The following PAK5 variants were observed in gnomAD, a reference collection of about 807,000 sequenced individuals.
The protein encoded by PAK5 is serine/threonine-protein kinase PAK 5.
Under a neutral mutation model 65.9 loss-of-function variants are expected in PAK5, and 16 were observed. The ratio of observed to expected loss-of-function variants is 0.24; its 90% CI spans 0.16 to 0.37. The LOEUF (loss-of-function observed/expected upper bound fraction) is 0.37, where lower values mean the gene tolerates loss of function less well. PAK5 is among the 10% of genes least tolerant of loss of function. PAK5 has a pLI of 1.00. For synonymous variants in PAK5, 371 were observed against 354.9 expected (o/e 1.05, Z -0.51); for missense variants, 785 against 903.9 (o/e 0.87, Z 1.69).
At chr20:9,597,256 C>T (rs2046287220) in intron 3 of PAK5, among the ~76,000 whole-genome samples, 1 of 152,194 alleles carries the variant, frequency 6.6e-6, no homozygotes, top group African/African-American at 2.4e-5. Context: ...TTTGAAGGCT[C>T]TCTCCATGTC....
intron 1 of PAK5, among the ~76,000 whole-genome samples, chr20:9,739,228 C>CTTTTTTT (rs55690747): frequency 8.0e-4 from 116 of 145,714 alleles, no homozygotes; most frequent in African/African-American, 2.6e-3. Flanking sequence ...TCTTTGCTTT[C>CTTTTTTT]TTTTTTTTTT....
intron 1 of PAK5, among the ~76,000 whole-genome samples, chr20:9,797,872 T>G (rs1206488039): frequency 2.0e-5 from 3 of 151,886 alleles, no homozygotes; most frequent in Non-Finnish European, 4.4e-5. Flanking sequence ...GTGCTAGATA[T>G]AAAATAAAGG....
intron 7 of PAK5, among the ~76,000 whole-genome samples, chr20:9,555,104 C>T (rs2045486251): frequency 6.6e-6 from 1 of 152,098 alleles, no homozygotes; most frequent in Admixed American, 6.6e-5. Context: ...ATTCCCAGTC[C>T]CCAAATAAGC....
intron 3 of PAK5, among the ~76,000 whole-genome samples, chr20:9,606,907 A>G (rs1055829600): frequency 2.6e-5 from 4 of 152,206 alleles, no homozygotes; most frequent in African/African-American, 9.7e-5. Context: ...ATGAAATGAG[A>G]AACAGAGACA....
At chr20:9,549,915 C>A (rs2045400791) in intron 7 of PAK5, among the ~76,000 whole-genome samples, 1 of 152,148 alleles carries the variant, frequency 6.6e-6, no homozygotes, top group Non-Finnish European at 1.5e-5. Context: ...TCAAACTAAC[C>A]TTTGGAGAAA....
At chr20:9,553,792 T>C (rs1335230535) in intron 7 of PAK5, among the ~76,000 whole-genome samples, 1 of 152,236 alleles carries the variant, frequency 6.6e-6, no homozygotes, top group Non-Finnish European at 1.5e-5. Context: ...GGAACTATTA[T>C]AAAGAAAACT....
rs555832466 is a variant in PAK5, at chr20:9,727,773, C to A, written c.-161-16338G>T. On this transcript the variant is annotated intron_variant, in intron 1 of 9. Coordinates refer to ENST00000353224, the MANE Select transcript of PAK5 (RefSeq NM_177990.4). ...GCAAAATGATTTTATATTTGGTTGC[C>A]CCAATTTTTCCAGTTCTGGCCACTT... is the stretch of plus-strand genomic sequence containing the variant. Among the ~76,000 whole-genome samples the A allele has an allele frequency of 6.6e-5, 10 of 151,682 alleles. 1 individual carries two copies. In the South Asian group the frequency reaches 2.1e-3, roughly 32 times the overall value.
intron 3 of PAK5, among the ~76,000 whole-genome samples, chr20:9,631,457 G>T (rs1339268028): frequency 6.6e-6 from 1 of 152,180 alleles, no homozygotes; most frequent in Non-Finnish European, 1.5e-5. Context: ...GAAGAAGCAA[G>T]CTGTCACGCA....
chr20:9,704,738 A>G (rs73071961), intron 2 of PAK5, among the ~76,000 whole-genome samples: 2,469 of 152,276 alleles, frequency 0.016, 33 homozygotes, highest in Middle Eastern at 0.051. Flanking sequence ...GAAGCAGGGA[A>G]GGGTGAGCAG....
intron 1 of PAK5, among the ~76,000 whole-genome samples, chr20:9,771,394 A>T (rs2123676958): frequency 6.7e-6 from 1 of 149,740 alleles, no homozygotes; most frequent in East Asian, 1.9e-4. Flanking sequence ...GAAAGAGCAG[A>T]TCTATAATTT....
At chr20:9,757,211 C>A (rs1190208123) in intron 1 of PAK5, among the ~76,000 whole-genome samples, 2 of 144,748 alleles carry the variant, frequency 1.4e-5, no homozygotes, top group Non-Finnish European at 3.0e-5. Context: ...GTGGTACAAC[C>A]CAAATTAAGA....
At chr20:9,690,716 G>A (rs796086134) in intron 2 of PAK5, among the ~76,000 whole-genome samples, 42 of 151,376 alleles carry the variant, frequency 2.8e-4, no homozygotes, top group African/African-American at 9.2e-4. Context: ...ATTCTTCCAG[G>A]GGTAGTCCTC....
intron 2 of PAK5, among the ~76,000 whole-genome samples, chr20:9,681,986 G>A (rs573895471): frequency 1.3e-5 from 2 of 152,250 alleles, no homozygotes; most frequent in African/African-American, 4.8e-5. Flanking sequence ...TCTGAAAAGG[G>A]TGTTGTACAA....
intron 2 of PAK5, among the ~76,000 whole-genome samples, chr20:9,693,687 C>T (rs1020944142): frequency 6.6e-6 from 1 of 152,104 alleles, no homozygotes; most frequent in Non-Finnish European, 1.5e-5. Context: ...ACCAAAAATG[C>T]TGTTGAGCAA....
intron 1 of PAK5, among the ~76,000 whole-genome samples, chr20:9,827,633 TGG>T (rs1978371259): frequency 7.2e-6 from 1 of 138,214 alleles, no homozygotes; most frequent in Admixed American, 7.3e-5. Flanking sequence ...AGGGGGAGGG[TGG>T]GGGAATGTGG....
At chr20:9,671,874 C>T (rs2047503218) in intron 2 of PAK5, among the ~76,000 whole-genome samples, 1 of 152,100 alleles carries the variant, frequency 6.6e-6, no homozygotes, top group Non-Finnish European at 1.5e-5. Context: ...GGAATGCTTC[C>T]AGTTTTTGTC....
intron 3 of PAK5, among the ~76,000 whole-genome samples, chr20:9,589,122 G>A (rs6077567): frequency 0.2 from 30,632 of 152,148 alleles, 3,638 homozygotes; most frequent in African/African-American, 0.33. Flanking sequence ...TGCCTCAAAC[G>A]TGTTTCATTT....
Position 9,557,425 on chromosome 20 carries a change from A to G in PAK5, c.1743+183T>C, listed in dbSNP as rs572961284. On this transcript the variant is annotated intron_variant, in intron 7 of 9. Transcript: ENST00000353224. ...TATCCATCAAAGTCAGGCAATTCTG[A>G]CTAACAAGGTGACACAGAGGAAGGG... is the stretch of plus-strand genomic sequence containing the variant. Among the ~76,000 whole-genome samples, 10 of 152,348 alleles carry G rather than the reference A, an allele frequency of 6.6e-5. No individual in the cohort carries two copies. The East Asian group carries it at 1.9e-3, about 29-fold the overall frequency.
intron 1 of PAK5, among the ~76,000 whole-genome samples, chr20:9,790,166 T>G (rs1251780639): frequency 6.6e-6 from 1 of 152,154 alleles, no homozygotes; most frequent in African/African-American, 2.4e-5. Context: ...GTCCTGCTAT[T>G]GTGTTTGAAG....
Sources: allele counts gnomAD v4.1 joint callset (sites outside exome capture counted in the v4.1 genomes callset), GRCh38; gene constraint gnomAD v4.1.1; transcripts MANE v1.5; gene names NCBI Gene and HGNC (gene_info 2026-07-23, HGNC 2026-07-21).